The following MDN1 variants were observed in gnomAD, a reference collection of about 807,000 sequenced individuals.
MDN1 encodes the protein midasin.
MDN1 carries 266 observed loss-of-function variants against 669.2 expected under a neutral mutation model. The observed-to-expected ratio is 0.40, with a 90% CI of 0.36 to 0.44. The LOEUF (loss-of-function observed/expected upper bound fraction) is 0.44. Ranked by LOEUF, MDN1 falls within the 20% of genes least tolerant of loss-of-function variation. The pLI is 1.00. For synonymous variants in MDN1, 2,385 were observed against 2,457.1 expected, an observed-to-expected ratio of 0.97 and a Z score of 0.87; for missense variants, 5,940 against 6,754.0, an observed-to-expected ratio of 0.88 and a Z score of 4.22.
chr6:89,650,176 G>A lies in MDN1; in HGVS notation c.16054C>T (p.Arg5352Ter), dbSNP rs1360714310. 3.1e-6 allele frequency: 5 copies of A among 1,613,930 alleles called. No homozygotes were observed. Among genetic ancestry groups the A allele is most frequent in the Non-Finnish European group, 2.5e-6 (3 of 1,180,012 alleles). The change falls in exon 97 of 102, where the codon CGA (arginine) becomes TGA (stop). Residue 5352 changes from arginine (R) to a stop codon, truncating the protein, a stop_gained. Coordinates refer to ENST00000369393, the MANE Select transcript of MDN1 (RefSeq NM_014611.3). LOFTEE classifies it high-confidence loss of function. ...KLKGDYRTGK[R>*]LNIRKVIPYI... Reference sequence around the variant, plus strand: ...GGAATGACTTTCCGTATGTTTAGTCGTTTCCCAGTTCGATAGTCTCCTCTA... The same window carrying A: ...GGAATGACTTTCCGTATGTTTAGTCATTTCCCAGTTCGATAGTCTCCTCTA...
rs1159720783 is a variant in MDN1, at chr6:89,675,399, C to CT, written c.12761+64dup. 2.1e-6 allele frequency: 3 copies of CT among 1,396,294 alleles called. No individual in the cohort carries two copies. In the African/African-American group the frequency reaches 4.2e-5, roughly 20 times the overall value. The allele number at this position is 1,396,294 out of a possible 1,614,324, so 86.5% of individuals were successfully genotyped here. A position where few individuals can be genotyped will look rare whatever the true frequency, so the allele number is the denominator to read the frequency against. On this transcript the variant is annotated intron_variant, in intron 78 of 101. Coordinates refer to ENST00000369393, the MANE Select transcript of MDN1 (RefSeq NM_014611.3). ...TTATTCCTCTCCCCACATGCAGCAA[C>CT]TCTGAGCTGACTTGGATCTAATTCT...
In MDN1 at chr6:89,668,020, T is replaced by C; in HGVS notation, c.14088A>G (p.Glu4696=). The part of the protein sequence containing the change: ...MKDVSDQIGN[E]EQVEDTFQKG... ...TACCTATGTGAAAACGTACCTGTTC[T>C]TCATTTCCGATCTGGTCACTCACAT... is the stretch of plus-strand genomic sequence containing the variant. Residue 4696 remains glutamate (E), a synonymous_variant, in exon 84 of 102, where the codon GAA becomes GAG. Transcript: ENST00000369393. 1 of 1,613,510 alleles carries C rather than the reference T, an allele frequency of 6.2e-7. No homozygotes were observed. Among genetic ancestry groups the C allele is most frequent in the Non-Finnish European group, 8.5e-7 (1 of 1,179,626 alleles).
At chr6:89,785,875 G>A (rs1818928092) in intron 8 of MDN1, among the ~76,000 whole-genome samples, 1 of 152,176 alleles carries the variant, frequency 6.6e-6, no homozygotes. Flanking sequence ...CAGGCTCAGT[G>A]GCTCATGTCG....
rs573788585 is a variant in MDN1 at position 89,674,235 on chromosome 6, C to T, written c.13116G>A (p.Arg4372=). ...GCCAAAGGTGATCCTGTTTCCGCAT[C>T]CGGCAACCAGAGGGCAGCTGACTTC... is the stretch of plus-strand genomic sequence containing the variant. The part of the protein sequence containing the change: ...IPGSQLPSGC[R]MRKQDHLWQQ... The change falls in exon 79 of 102, where the codon CGG becomes CGA. Residue 4372 remains arginine (R), a synonymous_variant. Coordinates refer to ENST00000369393, the MANE Select transcript of MDN1 (RefSeq NM_014611.3). 3.1e-6 allele frequency: 5 copies of T among 1,614,204 alleles called. No homozygotes were observed. In the African/African-American group the frequency reaches 6.7e-5, roughly 22 times the overall value.
intron 85 of MDN1, among the ~76,000 whole-genome samples, chr6:89,664,229 T>TCCCTGAAAGG (rs11281623): frequency 6.6e-6 from 1 of 151,768 alleles, no homozygotes; most frequent in African/African-American, 2.4e-5. Context: ...CTTTCAGGCT[T>TCCCTGAAAGG]CACTACTGAG....
rs544301941 is a variant in MDN1, at chr6:89,653,000, T to C, written c.15817A>G (p.Ile5273Val). The C allele has an allele frequency of 1.2e-6, 2 of 1,613,192 alleles. No homozygotes were observed. Among genetic ancestry groups the C allele is most frequent in the East Asian group, 2.2e-5 (1 of 44,876 alleles). Residue 5273 changes from isoleucine to valine, a missense_variant, in exon 94 of 102, where the codon ATC becomes GTC. Coordinates refer to ENST00000369393, the MANE Select transcript of MDN1 (RefSeq NM_014611.3). ...TTTGTGAGTTTTACTACCTGGAAGA[T>C]CGTGTCCATGAGGAATTGATGAGCT... ...HTAHQFLMDT[I>V]FQPFLKDVNE...
intron 96 of MDN1, 106 bp downstream of exon 96, chr6:89,650,626 A>AACCT: frequency 1.2e-6 from 1 of 819,554 alleles, no homozygotes; most frequent in East Asian, 2.5e-5. Flanking sequence ...CACAAGCGGC[A>AACCT]GCCTAGAAGC....
chr6:89,814,585 T>A (rs1419499152), intron 1 of MDN1: 4 of 165,690 alleles, frequency 2.4e-5, no homozygotes, highest in Admixed American at 6.3e-5. Context: ...TTAAGTCTTA[T>A]AAGAAACATT....
rs878881270 is a variant in MDN1, at chr6:89,677,753, C to T, written c.12413-57G>A. The T allele has an allele frequency of 5.5e-5, 89 of 1,607,820 alleles. No individual in the cohort carries two copies. In the South Asian group the frequency reaches 9.3e-4, roughly 17 times the overall value. The stretch of plus-strand genomic sequence containing the variant: ...GATGCTTAGTAGAGAATGGATGTGC[C>T]CCCCTCTCCCCTGCTACTCAAAGCA... On this transcript the variant is annotated intron_variant, in intron 75 of 101. Transcript: ENST00000369393.
At chr6:89,660,974 A>G (rs1809710306) in intron 88 of MDN1, among the ~76,000 whole-genome samples, 1 of 152,222 alleles carries the variant, frequency 6.6e-6, no homozygotes, top group African/African-American at 2.4e-5. Context: ...GTCATATGCC[A>G]TGCGATTTCT....
intron 76 of MDN1, 103 bp downstream of exon 76, chr6:89,677,467 G>A (rs747425015): frequency 2.0e-4 from 277 of 1,419,208 alleles, no homozygotes; most frequent in Non-Finnish European, 2.5e-4. Context: ...AGCCACAGTG[G>A]TATTGCTATC....
chr6:89,745,139 A>AAC, intron 29 of MDN1, 134 bp downstream of exon 29: 1 of 874,888 alleles, frequency 1.1e-6, no homozygotes. Flanking sequence ...CTTCTTAAAA[A>AAC]AAAAAAAAAA....
At position 89,716,758 on chromosome 6, in the gene MDN1, T is replaced by C. The variant is rs1435042734; in HGVS notation, c.6635A>G (p.Gln2212Arg). Reference sequence around the variant, plus strand: ...GCCATGGCTATGGCCACTGGCCAACTGCGTAAGCTTCACACCAAAGCTTCG... The same window carrying C: ...GCCATGGCTATGGCCACTGGCCAACCGCGTAAGCTTCACACCAAAGCTTCG... ...EFRSFGVKLT[Q>R]LASGHSHGTF... is the part of the protein sequence containing the mutation. The change falls in exon 44 of 102, where the codon CAG becomes CGG. Residue 2212 changes from glutamine to arginine, a missense_variant. Around this residue, in one of 5 missense-constraint regions of MDN1, gnomAD observed 2,292 missense variants for 2,638.3 expected, o/e 0.87. Transcript: ENST00000369393. The C allele has an allele frequency of 3.1e-6, 5 of 1,613,758 alleles. No individual in the cohort carries two copies. The highest frequency in any genetic ancestry group is 1.3e-5 in the African/African-American group (1 of 75,058).
At chr6:89,673,896 C>G (rs535114517) in intron 79 of MDN1, among the ~76,000 whole-genome samples, 226 of 152,178 alleles carry the variant, frequency 1.5e-3, no homozygotes, top group African/African-American at 5.2e-3. Flanking sequence ...CTTTTGCTAA[C>G]GCTGTTTCCG....
At position 89,766,877 on chromosome 6, in the gene MDN1, T is replaced by C. The variant is rs560601332; in HGVS notation, c.2145-4347A>G. ...GGGTGGGTGGCAAGGAAGATGAGGATTGGCTGCTTTATTACTATTTCTACA... is the reference window on the plus strand; with the variant it reads ...GGGTGGGTGGCAAGGAAGATGAGGACTGGCTGCTTTATTACTATTTCTACA... On this transcript the variant is annotated intron_variant, in intron 15 of 101. Coordinates refer to ENST00000369393, the MANE Select transcript of MDN1 (RefSeq NM_014611.3). 5.3e-5 allele frequency among the ~76,000 whole-genome samples: 8 copies of C among 152,328 alleles called. No homozygotes were observed. The South Asian group carries it at 6.2e-4, about 12-fold the overall frequency.
Position 89,674,327 on chromosome 6 carries a change from CCTTG to C in MDN1, c.13020_13023del (p.Ser4340ArgfsTer7), listed in dbSNP as rs756506525. On this transcript the variant is annotated frameshift_variant, in exon 79 of 102. Transcript: ENST00000369393. LOFTEE classifies it high-confidence loss of function. ...TCCAGCACTACTCCACAAAGTTGTC[CCTTG>C]CTAAGTTCTGGTCCTTCCAGGCAGG... The C allele has an allele frequency of 1.2e-6, 2 of 1,614,098 alleles. No individual in the cohort carries two copies. Among genetic ancestry groups the C allele is most frequent in the Non-Finnish European group, 1.7e-6 (2 of 1,180,050 alleles).
At chr6:89,713,322 A>C in intron 46 of MDN1, 26 bp from the exon 47 acceptor site, 1 of 1,587,174 alleles carries the variant, frequency 6.3e-7, no homozygotes, top group Non-Finnish European at 8.6e-7. Flanking sequence ...TGCCATCTAT[A>C]AACAATAGAG....
At position 89,714,614 on chromosome 6, in the gene MDN1, A is replaced by G. The variant is rs775719956; in HGVS notation, c.6998T>C (p.Leu2333Pro). 2 of 1,614,122 alleles carry G rather than the reference A, an allele frequency of 1.2e-6. No homozygotes were observed. The highest frequency in any genetic ancestry group is 4.5e-5 in the East Asian group (2 of 44,884). Residue 2333 changes from leucine (L) to proline (P), a missense_variant, in exon 46 of 102, where the codon CTT becomes CCT. Leu to Pro is a moderately conservative substitution (Grantham distance 98, BLOSUM62 -3). Coordinates refer to ENST00000369393, the MANE Select transcript of MDN1 (RefSeq NM_014611.3). ...ACATACACTGTTCCCCACCAATCCA[A>G]GGCTGTGCAGCAGAACTTTCAAATC... is the stretch of plus-strand genomic sequence containing the variant. ...NLDLKVLLHS[L>P]GLVGNSVCDI...
chr6:89,780,940 C>T (rs1164013302), intron 10 of MDN1, among the ~76,000 whole-genome samples: 1 of 151,626 alleles, frequency 6.6e-6, no homozygotes, highest in Non-Finnish European at 1.5e-5. Flanking sequence ...TGAGCCACCG[C>T]GCCTAGCCTG....
Sources: allele counts gnomAD v4.1 joint callset (sites outside exome capture counted in the v4.1 genomes callset), GRCh38; gene constraint gnomAD v4.1.1; regional missense constraint gnomAD v4.1.1; transcripts MANE v1.5; gene names NCBI Gene and HGNC (gene_info 2026-07-23, HGNC 2026-07-21).